The following CTPS2 variants were observed in gnomAD, a reference collection of about 807,000 sequenced individuals.
The protein encoded by CTPS2 is CTP synthase 2.
CTPS2 carries 19 observed loss-of-function variants against 46.8 expected under a neutral mutation model. That is an observed-to-expected ratio of 0.41 (90% CI 0.28 to 0.60). CTPS2 has a LOEUF of 0.60. CTPS2 is among the 20% of genes least tolerant of loss of function. CTPS2 has a pLI of 0.35. For synonymous variants in CTPS2, 151 were observed against 165.2 expected (o/e 0.91, Z 0.66); for missense variants, 286 against 447.6 (o/e 0.64, Z 3.26).
chrX:16,672,462 C>G (rs747840617), intron 10 of CTPS2, among the ~76,000 whole-genome samples: 3 of 111,070 alleles, frequency 2.7e-5, no homozygotes, highest in Non-Finnish European at 5.7e-5. Flanking sequence ...TTCTGTTACT[C>G]AAGGCGACCA....
At chrX:16,703,384 G>C (rs996787426) in intron 1 of CTPS2, among the ~76,000 whole-genome samples, 2 of 108,946 alleles carry the variant, frequency 1.8e-5, no homozygotes, top group African/African-American at 6.7e-5. Context: ...AGGCTGGAGT[G>C]CAGTGGCATG....
chrX:16,650,630 G>C (rs1254826526), intron 13 of CTPS2, among the ~76,000 whole-genome samples: 2 of 104,242 alleles, frequency 1.9e-5, no homozygotes, highest in Non-Finnish European at 3.9e-5. Flanking sequence ...CTCCTGCCTC[G>C]GTCTTCCAAG....
intron 15 of CTPS2, among the ~76,000 whole-genome samples, chrX:16,619,547 A>T (rs886957839): frequency 9.0e-6 from 1 of 110,922 alleles, no homozygotes; most frequent in Non-Finnish European, 1.9e-5. Context: ...ATAACCACAG[A>T]GACAACAGGA....
At chrX:16,669,855 C>T (rs945297974) in intron 11 of CTPS2, among the ~76,000 whole-genome samples, 2 of 110,422 alleles carry the variant, frequency 1.8e-5, no homozygotes, top group African/African-American at 3.3e-5. Flanking sequence ...CTGCCTCTCC[C>T]GCATCAAGGT....
chrX:16,695,308 GCTAATTCAGAAGTT>G, intron 4 of CTPS2, among the ~76,000 whole-genome samples: 1 of 110,445 alleles, frequency 9.1e-6, no homozygotes, highest in Non-Finnish European at 1.9e-5. Flanking sequence ...CAGTCTCCCT[GCTAATTCAGAAGTT>G]CCCATTACCA....
intron 13 of CTPS2, chrX:16,654,571 CT>C: frequency 1.6e-6 from 1 of 624,685 alleles, no homozygotes; most frequent in Non-Finnish European, 2.5e-6. Flanking sequence ...TGGTCTTATC[CT>C]ATGTGGAATC....
At chrX:16,642,565 G>C (rs1932131670) in intron 13 of CTPS2, among the ~76,000 whole-genome samples, 1 of 111,531 alleles carries the variant, frequency 9.0e-6, no homozygotes, top group Non-Finnish European at 1.9e-5. Context: ...GGAAGCGGAA[G>C]GTCAGGGCAA....
intron 11 of CTPS2, among the ~76,000 whole-genome samples, chrX:16,668,769 G>GC (rs1921444196): frequency 1.5e-5 from 1 of 67,251 alleles, no homozygotes; most frequent in African/African-American, 7.4e-5. Flanking sequence ...AGGAAGGAAG[G>GC]AAAGGAAGGA....
intron 13 of CTPS2, among the ~76,000 whole-genome samples, chrX:16,648,388 T>C (rs1055830458): frequency 9.0e-6 from 1 of 111,707 alleles, no homozygotes; most frequent in Non-Finnish European, 1.9e-5. Context: ...AAAGCAAATG[T>C]GGAGATGTTC....
At chrX:16,704,920 C>T (rs765954648) in intron 1 of CTPS2, among the ~76,000 whole-genome samples, 19 of 111,308 alleles carry the variant, frequency 1.7e-4, no homozygotes, top group Non-Finnish European at 3.2e-4. Flanking sequence ...TGCACTCCAG[C>T]CTGGGCAATG....
intron 17 of CTPS2, among the ~76,000 whole-genome samples, chrX:16,606,896 C>T (rs985461375): frequency 8.9e-6 from 1 of 111,977 alleles, no homozygotes; most frequent in Non-Finnish European, 1.9e-5. Flanking sequence ...CTAGCAGCAG[C>T]GTGTGCCACC....
intron 9 of CTPS2, among the ~76,000 whole-genome samples, chrX:16,678,698 G>A (rs750929264): frequency 9.1e-6 from 1 of 110,494 alleles, no homozygotes; most frequent in African/African-American, 3.3e-5. Context: ...AGAAGAGAAC[G>A]ATGCAGAAGT....
chrX:16,694,007 T>C (rs1352538292), intron 4 of CTPS2, among the ~76,000 whole-genome samples: 1 of 108,463 alleles, frequency 9.2e-6, no homozygotes, highest in Non-Finnish European at 1.9e-5. Context: ...CTACTAAAAA[T>C]ACAAAAATTA....
At chrX:16,704,007 C>G (rs765370650) in intron 1 of CTPS2, among the ~76,000 whole-genome samples, 7 of 106,182 alleles carry the variant, frequency 6.6e-5, no homozygotes, top group Admixed American at 1.0e-4. Context: ...GACACAATCT[C>G]GGCTCATTGC....
rs368636256 is a variant in CTPS2 at position 16,615,130 on chromosome X, C to T, written c.1546+2020G>A. Among the ~76,000 whole-genome samples, 4 of 110,202 alleles carry T rather than the reference C, an allele frequency of 3.6e-5. No homozygotes were observed. The East Asian group carries it at 1.1e-3, about 32-fold the overall frequency. The stretch of plus-strand genomic sequence containing the variant: ...GGTGGTGGTTACAGTGAGCCAAGAT[C>T]GCGCCACTGCACTCCAGCTTGGGCA... On this transcript the variant is annotated intron_variant, in intron 16 of 18. Transcript: ENST00000359276.
chrX:16,605,264 C>G (rs971332726), intron 17 of CTPS2, among the ~76,000 whole-genome samples: 1 of 111,637 alleles, frequency 9.0e-6, no homozygotes, highest in Admixed American at 9.6e-5. Context: ...GCAGAAACAT[C>G]ACATAGGCAT....
intron 13 of CTPS2, among the ~76,000 whole-genome samples, chrX:16,659,438 C>T (rs1389111524): frequency 9.1e-6 from 1 of 110,390 alleles, no homozygotes; most frequent in Non-Finnish European, 1.9e-5. Context: ...AGAAAACAGC[C>T]CAAGCAAACA....
At chrX:16,600,678 C>T (rs1470066247) in intron 17 of CTPS2, among the ~76,000 whole-genome samples, 1 of 111,667 alleles carries the variant, frequency 9.0e-6, no homozygotes, top group Admixed American at 9.5e-5. Context: ...TTTATCCCAC[C>T]CCAAGGGAAG....
At chrX:16,709,448 A>C (rs1265112950) in intron 1 of CTPS2, among the ~76,000 whole-genome samples, 1 of 111,006 alleles carries the variant, frequency 9.0e-6, no homozygotes, top group Admixed American at 9.6e-5. Flanking sequence ...AAAAAGGAAG[A>C]AAGAAAATGC....
Sources: allele counts gnomAD v4.1 joint callset (sites outside exome capture counted in the v4.1 genomes callset), GRCh38; gene constraint gnomAD v4.1.1; transcripts MANE v1.5; gene names NCBI Gene and HGNC (gene_info 2026-07-23, HGNC 2026-07-21).